The following CLVS2 variants were observed in gnomAD, a reference collection of about 807,000 sequenced individuals.
CLVS2 encodes the protein clavesin 2, also known as clavesin-2.
Under a neutral mutation model 29.0 loss-of-function variants are expected in CLVS2, and 19 were observed. The ratio of observed to expected loss-of-function variants is 0.66; its 90% CI spans 0.46 to 0.96. CLVS2 has a LOEUF of 0.96. CLVS2 is among the 40% of genes least tolerant of loss of function. CLVS2 has a pLI of 0.00. For synonymous variants in CLVS2, 161 were observed against 151.3 expected, an observed-to-expected ratio of 1.06 and a Z score of -0.47; for missense variants, 294 against 404.1, an observed-to-expected ratio of 0.73 and a Z score of 2.34.
rs1220757345 is a variant in CLVS2 at position 123,065,940 on chromosome 6, A to G, written c.*2179A>G. ...CATATTTTATATGTATGCCTATCTA[A>G]TTATAAGTATCATTCACACTGTCTC... On this transcript the variant is annotated 3_prime_UTR_variant, in exon 6 of 6. Transcript: ENST00000275162. 6.6e-6 allele frequency: 1 copy of G among 151,784 alleles called. No individual in the cohort carries two copies. Among genetic ancestry groups the G allele is most frequent in the African/African-American group, 2.4e-5 (1 of 41,416 alleles). 9.4% of individuals were successfully genotyped at this position (151,784 alleles called of 1,614,324 possible).
At chr6:123,057,745 C>T (rs556983470) in intron 5 of CLVS2, among the ~76,000 whole-genome samples, 21 of 152,194 alleles carry the variant, frequency 1.4e-4, no homozygotes, top group African/African-American at 3.4e-4. Context: ...TTGGAGAGAA[C>T]GGAAAGGCCA....
rs1200040807 is a variant in CLVS2, at chr6:122,997,885, T to C, written c.108T>C (p.Asp36=). The C allele has an allele frequency of 1.9e-6, 3 of 1,614,048 alleles. No individual in the cohort carries two copies. The highest frequency in any genetic ancestry group is 1.7e-6 in the Non-Finnish European group (2 of 1,180,030). ...ACCAGGACATCCAGGAGGTGAGGGA[T>C]ATGGTCATCACCAGGCCGGACATTG... ...TLHQDIQEVR[D]MVITRPDIGF... Residue 36 remains aspartate, a synonymous_variant, in exon 2 of 6, where the codon GAT becomes GAC. Coordinates refer to ENST00000275162, the MANE Select transcript of CLVS2 (RefSeq NM_001010852.4).
intron 4 of CLVS2, among the ~76,000 whole-genome samples, chr6:123,053,530 A>G (rs993056620): frequency 1.7e-4 from 26 of 152,346 alleles, no homozygotes; most frequent in African/African-American, 6.0e-4. Flanking sequence ...TTGGATACTG[A>G]ATTTAGCAAT....
chr6:123,054,991 C>T (rs1382172003), intron 4 of CLVS2, among the ~76,000 whole-genome samples: 2 of 152,026 alleles, frequency 1.3e-5, no homozygotes, highest in Non-Finnish European at 2.9e-5. Flanking sequence ...AGGACCTTGA[C>T]AAAAGTTGTT....
chr6:123,042,378 G>A (rs1176342486), intron 3 of CLVS2, among the ~76,000 whole-genome samples: 3 of 151,522 alleles, frequency 2.0e-5, no homozygotes, highest in South Asian at 2.1e-4. Flanking sequence ...TTCTTTTTTC[G>A]GGTGAAATTT....
chr6:123,003,596 G>GGTTA (rs5879657), intron 2 of CLVS2, among the ~76,000 whole-genome samples: 1 of 151,826 alleles, frequency 6.6e-6, no homozygotes, highest in African/African-American at 2.4e-5. Flanking sequence ...AATACACTTT[G>GGTTA]AGAATTTGTT....
rs533949659 is a variant in CLVS2, at chr6:123,002,437, G to T, written c.389+4271G>T. On this transcript the variant is annotated intron_variant, in intron 2 of 5. Coordinates refer to ENST00000275162, the MANE Select transcript of CLVS2 (RefSeq NM_001010852.4). The stretch of plus-strand genomic sequence containing the variant: ...GTGGTTCAGTTTGAATTATGATTAT[G>T]CTTGCATTTACTAAAATAATATGGC... Among the ~76,000 whole-genome samples the T allele has an allele frequency of 6.3e-4, 96 of 152,166 alleles. No homozygotes were observed. In the Middle Eastern group the frequency reaches 0.017, roughly 27 times the overall value.
chr6:123,031,703 A>C (rs544323963), intron 3 of CLVS2, among the ~76,000 whole-genome samples: 1 of 152,180 alleles, frequency 6.6e-6, no homozygotes, highest in Non-Finnish European at 1.5e-5. Context: ...ATGATCTTTT[A>C]AGTGGCTGTT....
chr6:123,038,896 A>G (rs551167180), intron 3 of CLVS2, among the ~76,000 whole-genome samples: 5 of 152,316 alleles, frequency 3.3e-5, no homozygotes, highest in African/African-American at 1.2e-4. Flanking sequence ...AATTAATGAT[A>G]ATTTTCTTAT....
chr6:123,015,006 G>C (rs1259588666), intron 3 of CLVS2, among the ~76,000 whole-genome samples: 1 of 144,284 alleles, frequency 6.9e-6, no homozygotes, highest in Non-Finnish European at 1.5e-5. Context: ...GGATTGTGGA[G>C]CTATCCTTGG....
At position 122,997,620 on chromosome 6, in the gene CLVS2, G is replaced by A; in HGVS notation, c.-158G>A. 2.8e-6 allele frequency: 2 copies of A among 710,424 alleles called. No homozygotes were observed. The allele number at this position is 710,424 out of a possible 1,614,324, so 44.0% of individuals were successfully genotyped here. The stretch of plus-strand genomic sequence containing the variant: ...TGCTGGGGGAAAGCAGGAGCAACAG[G>A]GCACTTGATTGGACACCAAGATTAT... On this transcript the variant is annotated 5_prime_UTR_variant, in exon 2 of 6. Transcript: ENST00000275162.
rs201711312 is a variant in CLVS2, at chr6:123,049,811, C to CGGG, written c.675+1081_675+1083dup. ...CCGGGGCCTGTTGTGGGATGGGGGG[C>CGGG]GGGGAGGAATAGCATTAGGAGATAT... On this transcript the variant is annotated intron_variant, in intron 4 of 5. Coordinates refer to ENST00000275162, the MANE Select transcript of CLVS2 (RefSeq NM_001010852.4). 3.0e-5 allele frequency among the ~76,000 whole-genome samples: 4 copies of CGGG among 131,846 alleles called. No individual in the cohort carries two copies. The East Asian group carries it at 8.1e-4, about 27-fold the overall frequency. The allele number at this position is 131,846 out of a possible 152,430, so 86.5% of individuals were successfully genotyped here.
intron 3 of CLVS2, among the ~76,000 whole-genome samples, chr6:123,040,461 A>G (rs1775212268): frequency 3.3e-5 from 5 of 152,126 alleles, no homozygotes; most frequent in Admixed American, 3.3e-4. Flanking sequence ...AAAAAAAAAG[A>G]GTAACGTTGT....
chr6:123,055,868 C>G lies in CLVS2; in HGVS notation c.738C>G (p.Pro246=). ...AACTAATTCATCCTGAGATCCTGCC[C>G]TCTGAGTTTGGAGGAATGCTGCCTC... ...LHQLIHPEIL[P]SEFGGMLPPY... Residue 246 remains proline (P), a synonymous_variant, in exon 5 of 6, where the codon CCC becomes CCG. Coordinates refer to ENST00000275162, the MANE Select transcript of CLVS2 (RefSeq NM_001010852.4). 6.2e-7 allele frequency: 1 copy of G among 1,614,088 alleles called. No individual in the cohort carries two copies. The highest frequency in any genetic ancestry group is 8.5e-7 in the Non-Finnish European group (1 of 1,179,984).
At chr6:123,036,572 A>G (rs566611433) in intron 3 of CLVS2, among the ~76,000 whole-genome samples, 1 of 152,174 alleles carries the variant, frequency 6.6e-6, no homozygotes, top group African/African-American at 2.4e-5. Context: ...AAATAAAACT[A>G]ACAGGTAAGA....
rs80294499 is a variant in CLVS2, at chr6:123,052,587, C to T, written c.676-3219C>T. On this transcript the variant is annotated intron_variant, in intron 4 of 5. Transcript: ENST00000275162. ...AAGAGCACACCTGAAAGGATAGTAG[C>T]TGTGTTATGGGTGTAGGGGTAGAGC... 1.5e-3 allele frequency among the ~76,000 whole-genome samples: 229 copies of T among 152,188 alleles called. 1 individual carries two copies. Among genetic ancestry groups the T allele is most frequent in the Non-Finnish European group, 2.6e-3 (175 of 68,006 alleles).
intron 2 of CLVS2, among the ~76,000 whole-genome samples, chr6:123,005,464 G>A (rs1416132190): frequency 6.6e-6 from 1 of 152,158 alleles, no homozygotes; most frequent in Non-Finnish European, 1.5e-5. Flanking sequence ...ATGGCTGATT[G>A]ATTTAGTGAC....
intron 5 of CLVS2, 24 bp from the exon 6 acceptor site, chr6:123,063,650 T>G: frequency 3.6e-6 from 5 of 1,406,432 alleles, no homozygotes; most frequent in Non-Finnish European, 5.0e-6. Context: ...AATAACTCAC[T>G]GACGTTGGCT....
In CLVS2 at chr6:123,064,315, T is replaced by C. The variant is rs1264365068; in HGVS notation, c.*554T>C. On this transcript the variant is annotated 3_prime_UTR_variant, in exon 6 of 6. Coordinates refer to ENST00000275162, the MANE Select transcript of CLVS2 (RefSeq NM_001010852.4). ...GAGAAATGTGTCTTAGTAACTATCATTGGCCTTGCATTTTGGAGGCAAGGA... is the reference window on the plus strand; with the variant it reads ...GAGAAATGTGTCTTAGTAACTATCACTGGCCTTGCATTTTGGAGGCAAGGA... 1 of 152,084 alleles carries C rather than the reference T, an allele frequency of 6.6e-6. No individual in the cohort carries two copies. Among genetic ancestry groups the C allele is most frequent in the Non-Finnish European group, 1.5e-5 (1 of 67,960 alleles). 9.4% of individuals were successfully genotyped at this position (152,084 alleles called of 1,614,324 possible).
Sources: allele counts gnomAD v4.1 joint callset (sites outside exome capture counted in the v4.1 genomes callset), GRCh38; gene constraint gnomAD v4.1.1; transcripts MANE v1.5; gene names NCBI Gene and HGNC (gene_info 2026-07-23, HGNC 2026-07-21).